The following TMEM132D variants were observed in gnomAD, a reference collection of about 807,000 sequenced individuals.
TMEM132D encodes the protein mature OL transmembrane protein.
TMEM132D carries 21 observed loss-of-function variants against 62.3 expected under a neutral mutation model. That is an observed-to-expected ratio of 0.34 (90% CI 0.24 to 0.49). TMEM132D has a LOEUF of 0.49. TMEM132D is among the 20% of genes least tolerant of loss of function. TMEM132D has a pLI of 0.99. For synonymous variants in TMEM132D, 621 were observed against 575.6 expected (o/e 1.08, Z -1.13); for missense variants, 1,346 against 1,402.8 (o/e 0.96, Z 0.65).
At chr12:129,852,490 G>C (rs1873576844) in intron 1 of TMEM132D, 1 of 152,132 alleles carries the variant, frequency 6.6e-6, no homozygotes, top group South Asian at 2.1e-4. Flanking sequence ...GCTGAAGTGA[G>C]CTGAGATCGC....
chr12:129,172,770 G>T (rs561054331), intron 5 of TMEM132D, among the ~76,000 whole-genome samples: 1 of 152,206 alleles, frequency 6.6e-6, no homozygotes, highest in African/African-American at 2.4e-5. Flanking sequence ...TAGAGACAGG[G>T]TTTCTCTATG....
intron 3 of TMEM132D, among the ~76,000 whole-genome samples, chr12:129,403,614 T>A (rs540880503): frequency 6.6e-6 from 1 of 152,230 alleles, no homozygotes; most frequent in East Asian, 1.9e-4. Flanking sequence ...CTAATATTCA[T>A]GAAATTACCA....
At chr12:129,247,210 A>G (rs1034605623) in intron 4 of TMEM132D, among the ~76,000 whole-genome samples, 1 of 151,974 alleles carries the variant, frequency 6.6e-6, no homozygotes, top group South Asian at 2.1e-4. Flanking sequence ...TATCTTTCTA[A>G]CTCTTCAAAT....
intron 4 of TMEM132D, among the ~76,000 whole-genome samples, chr12:129,305,250 T>G (rs1881820596): frequency 6.6e-6 from 1 of 151,878 alleles, no homozygotes. Context: ...TCAAATGCAC[T>G]CCAGAAAGCT....
Position 129,676,566 on chromosome 12 carries a change from C to T in TMEM132D, c.968+23244G>A, listed in dbSNP as rs76924389. On this transcript the variant is annotated intron_variant, in intron 2 of 8. Transcript: ENST00000422113. Reference sequence around the variant, plus strand: ...GGAAGGGAGCCAGTGTTTCACATGGCGAGAGCGGGAGGCACCAGACTCTTT... The same window carrying T: ...GGAAGGGAGCCAGTGTTTCACATGGTGAGAGCGGGAGGCACCAGACTCTTT... 7.2e-3 allele frequency among the ~76,000 whole-genome samples: 1,100 copies of T among 152,194 alleles called. 53 individuals carry two copies. The East Asian group carries it at 0.12, about 16-fold the overall frequency.
At chr12:129,096,881 C>T (rs1021027916) in intron 5 of TMEM132D, among the ~76,000 whole-genome samples, 1 of 152,200 alleles carries the variant, frequency 6.6e-6, no homozygotes, top group African/African-American at 2.4e-5. Context: ...CTCAAATTTC[C>T]ACTTTCAGTC....
At position 129,073,749 on chromosome 12, in the gene TMEM132D, C is replaced by T; in HGVS notation, c.*126G>A. ...GCCGAGCCGGGGTCATTGGCTGAGG[C>T]TGTATGGATAGTGTCATCCTTATTT... On this transcript the variant is annotated 3_prime_UTR_variant, in exon 9 of 9. Coordinates refer to ENST00000422113, the MANE Select transcript of TMEM132D (RefSeq NM_133448.3). 2 of 864,540 alleles carry T rather than the reference C, an allele frequency of 2.3e-6. No homozygotes were observed. Among genetic ancestry groups the T allele is most frequent in the Non-Finnish European group, 3.5e-6 (2 of 566,866 alleles). The allele number at this position is 864,540 out of a possible 1,614,324, so 53.6% of individuals were successfully genotyped here. A position where few individuals can be genotyped will look rare whatever the true frequency, so the allele number is the denominator to read the frequency against.
intron 3 of TMEM132D, among the ~76,000 whole-genome samples, chr12:129,367,332 TGA>T (rs1246437628): frequency 6.6e-6 from 1 of 152,124 alleles, no homozygotes. Context: ...AAGGTATGAG[TGA>T]GAGAGGTGGC....
In TMEM132D at chr12:129,530,987, T is replaced by C. The variant is rs1283707704; in HGVS notation, c.1115+72A>G. 5 of 806,040 alleles carry C rather than the reference T, an allele frequency of 6.2e-6. No individual in the cohort carries two copies. The African/African-American group carries it at 1.2e-4, about 19-fold the overall frequency. The allele number at this position is 806,040 out of a possible 1,614,324, so 49.9% of individuals were successfully genotyped here. A position where few individuals can be genotyped will look rare whatever the true frequency, so the allele number is the denominator to read the frequency against. On this transcript the variant is annotated intron_variant, in intron 3 of 8. Coordinates refer to ENST00000422113, the MANE Select transcript of TMEM132D (RefSeq NM_133448.3). ...ACAGTGGAAATGGTTGTTAGCAATC[T>C]AGGAAAAAAAAAAAAAAATCAGGCC... is the stretch of plus-strand genomic sequence containing the variant.
At chr12:129,787,645 TC>T (rs1871280434) in intron 1 of TMEM132D, among the ~76,000 whole-genome samples, 1 of 152,214 alleles carries the variant, frequency 6.6e-6, no homozygotes, top group African/African-American at 2.4e-5. Context: ...CCCAGAGGTG[TC>T]TGGCAAACCG....
chr12:129,214,501 C>T (rs988391030), intron 4 of TMEM132D, among the ~76,000 whole-genome samples: 9 of 152,208 alleles, frequency 5.9e-5, no homozygotes, highest in Non-Finnish European at 1.2e-4. Flanking sequence ...TTCTGCCTTT[C>T]TTTCTGACAA....
chr12:129,625,281 C>T (rs567630100), intron 2 of TMEM132D, among the ~76,000 whole-genome samples: 17 of 152,290 alleles, frequency 1.1e-4, no homozygotes, highest in African/African-American at 3.4e-4. Flanking sequence ...CATCAAGTTA[C>T]GGCACAGGTA....
At chr12:129,473,828 T>A (rs11060367) in intron 3 of TMEM132D, among the ~76,000 whole-genome samples, 2 of 152,088 alleles carry the variant, frequency 1.3e-5, no homozygotes, top group Admixed American at 6.5e-5. Context: ...CCATAGCAGA[T>A]CTTTATTTAT....
intron 3 of TMEM132D, among the ~76,000 whole-genome samples, chr12:129,463,476 T>TTAC (rs1555258191): frequency 6.7e-6 from 1 of 148,164 alleles, no homozygotes; most frequent in Non-Finnish European, 1.5e-5. Flanking sequence ...TTATGTATTA[T>TTAC]TATTATTATT....
chr12:129,269,359 CCCTCCCTT>C (rs1880789527), intron 4 of TMEM132D, among the ~76,000 whole-genome samples: 1 of 151,896 alleles, frequency 6.6e-6, no homozygotes, highest in Non-Finnish European at 1.5e-5. Context: ...TACTTTTCCT[CCCTCCCTT>C]CCTCCCTTCC....
At chr12:129,846,572 C>A (rs370816653) in intron 1 of TMEM132D, among the ~76,000 whole-genome samples, 1 of 152,094 alleles carries the variant, frequency 6.6e-6, no homozygotes, top group African/African-American at 2.4e-5. Context: ...TTATGATATA[C>A]CCAGGTGTGA....
chr12:129,813,985 T>A (rs912051575), intron 1 of TMEM132D, among the ~76,000 whole-genome samples: 2 of 152,308 alleles, frequency 1.3e-5, no homozygotes, highest in South Asian at 4.1e-4. Flanking sequence ...AAGAAATTTG[T>A]CATATCTTTT....
At chr12:129,374,268 T>TGAGAGAGAGAGAGAGAGAGA (rs1566048946) in intron 3 of TMEM132D, among the ~76,000 whole-genome samples, 6 of 28,318 alleles carry the variant, frequency 2.1e-4, no homozygotes, top group African/African-American at 7.5e-4. Context: ...ACCTCACACA[T>TGAGAGAGAGAGAGAGAGAGA]CAGAGAGAGA....
At chr12:129,423,016 T>C (rs779528918) in intron 3 of TMEM132D, among the ~76,000 whole-genome samples, 15 of 151,898 alleles carry the variant, frequency 9.9e-5, no homozygotes, top group Non-Finnish European at 2.1e-4. Flanking sequence ...GACAACTGTG[T>C]CTTCACTGCC....
Sources: allele counts gnomAD v4.1 joint callset (sites outside exome capture counted in the v4.1 genomes callset), GRCh38; gene constraint gnomAD v4.1.1; transcripts MANE v1.5; gene names NCBI Gene and HGNC (gene_info 2026-07-23, HGNC 2026-07-21).